The following CFAP70 variants were observed in gnomAD, a reference collection of about 807,000 sequenced individuals.
The protein encoded by CFAP70 is cilia- and flagella-associated protein 70.
A neutral mutation model predicts 137.6 loss-of-function variants in CFAP70; 81 were observed. That is an observed-to-expected ratio of 0.59 (90% CI 0.49 to 0.71). CFAP70 has a LOEUF of 0.71. CFAP70 is among the 30% of genes least tolerant of loss of function. The pLI, the probability that CFAP70 is intolerant of heterozygous loss-of-function variation, is 0.00. For missense variants in CFAP70, 976 were observed against 1,226.7 expected (o/e 0.80, Z 3.05); for synonymous variants, 382 against 423.6 (o/e 0.90, Z 1.20).
upstream of CFAP70, among the ~76,000 whole-genome samples, chr10:73,361,348 C>T (rs1410134598): frequency 2.1e-5 from 3 of 143,012 alleles, no homozygotes; most frequent in South Asian, 7.1e-4. Context: ...AGTTCAGTGG[C>T]ATGATATGAT....
At chr10:73,331,103 GAA>G in intron 8 of CFAP70, 72 bp downstream of exon 9, 1 of 1,042,622 alleles carries the variant, frequency 9.6e-7, no homozygotes, top group Admixed American at 2.2e-5. Flanking sequence ...TTTGGTATCA[GAA>G]TTGAAGCAGA....
chr10:73,317,507 C>T (rs1186770941), intron 9 of CFAP70, among the ~76,000 whole-genome samples: 1 of 152,104 alleles, frequency 6.6e-6, no homozygotes, highest in Admixed American at 6.6e-5. Context: ...CTTTGTCTCT[C>T]TCTTTCATTT....
intron 13 of CFAP70, 90 bp downstream of exon 14, chr10:73,299,515 T>C (rs2048782557): frequency 1.8e-6 from 2 of 1,098,094 alleles, no homozygotes; most frequent in Non-Finnish European, 2.7e-6. Context: ...TCACCCCTTC[T>C]GGAAGACATA....
At chr10:73,278,955 T>G (rs116071459) in intron 19 of CFAP70, 1 of 142,308 alleles carries the variant, frequency 7.0e-6, no homozygotes, top group Non-Finnish European at 1.5e-5. Flanking sequence ...CACTCCAGCC[T>G]CGGCATAGAG....
rs982197495 is a variant in CFAP70, at chr10:73,290,709, C to T, written c.2239+517G>A. On this transcript the variant is annotated intron_variant, in intron 19 of 26. Coordinates refer to ENST00000310715, the Ensembl canonical transcript of CFAP70. ...GGGAAAGGGAGTACATAAATAAATACATTTGAGAATCATAAGAGAGGGACT... is the reference window on the plus strand; with the variant it reads ...GGGAAAGGGAGTACATAAATAAATATATTTGAGAATCATAAGAGAGGGACT... 6.6e-5 allele frequency among the ~76,000 whole-genome samples: 10 copies of T among 152,036 alleles called. No homozygotes were observed. In the South Asian group the frequency reaches 2.1e-3, roughly 32 times the overall value.
rs891476735 is a variant in CFAP70 at position 73,339,744 on chromosome 10, G to A, written c.582+1655C>T. 3.7e-4 allele frequency among the ~76,000 whole-genome samples: 57 copies of A among 152,342 alleles called. 1 individual carries two copies. The highest frequency in any genetic ancestry group is 3.4e-3 in the Middle Eastern group (1 of 294). ...TGGCTGAACCAGGCATATTGCAAACGGCTTCCATGGCCGGCACCAGGGAAT... is the reference window on the plus strand; with the variant it reads ...TGGCTGAACCAGGCATATTGCAAACAGCTTCCATGGCCGGCACCAGGGAAT... On this transcript the variant is annotated intron_variant, in intron 6 of 26. Coordinates refer to ENST00000310715, the Ensembl canonical transcript of CFAP70.
intron 4 of CFAP70, among the ~76,000 whole-genome samples, chr10:73,347,758 G>C (rs1170137331): frequency 1.3e-5 from 2 of 152,174 alleles, no homozygotes; most frequent in Non-Finnish European, 2.9e-5. Flanking sequence ...AGAACTGCTG[G>C]ATTAGAAATT....
intron 9 of CFAP70, among the ~76,000 whole-genome samples, chr10:73,316,489 T>G (rs912421873): frequency 8.7e-5 from 9 of 103,962 alleles, no homozygotes; most frequent in African/African-American, 1.1e-4. Flanking sequence ...TAGATATAGA[T>G]ATATATATAT....
At chr10:73,332,344 G>A (rs1266567985) in intron 7 of CFAP70, among the ~76,000 whole-genome samples, 1 of 152,180 alleles carries the variant, frequency 6.6e-6, no homozygotes, top group Non-Finnish European at 1.5e-5. Context: ...TTCAGGCAGG[G>A]AGAGAAGAAA....
At position 73,291,867 on chromosome 10, in the gene CFAP70, C is replaced by T. The variant is rs765604285; in HGVS notation, c.1904+14G>A. 2 of 1,614,050 alleles carry T rather than the reference C, an allele frequency of 1.2e-6. No homozygotes were observed. The highest frequency in any genetic ancestry group is 1.1e-5 in the South Asian group (1 of 91,052). ...TTCCTTCCCACTGATTCCTCATCTC[C>T]CTTCCACCTATACCTGTGGATATGA... On this transcript the variant is annotated intron_variant, in intron 17 of 26. Coordinates refer to ENST00000310715, the Ensembl canonical transcript of CFAP70.
chr10:73,317,529 A>T (rs2050495802), intron 9 of CFAP70, among the ~76,000 whole-genome samples: 1 of 151,852 alleles, frequency 6.6e-6, no homozygotes, highest in Non-Finnish European at 1.5e-5. Context: ...ACTATATATA[A>T]TGTGTATATT....
At chr10:73,325,653 A>G (rs1408105245) in intron 8 of CFAP70, among the ~76,000 whole-genome samples, 1 of 152,182 alleles carries the variant, frequency 6.6e-6, no homozygotes, top group African/African-American at 2.4e-5. Context: ...TCTACCAAGC[A>G]AATGGAAAAC....
intron 25 of CFAP70, among the ~76,000 whole-genome samples, chr10:73,264,133 AT>A (rs1170466729): frequency 6.6e-6 from 1 of 152,024 alleles, no homozygotes; most frequent in East Asian, 1.9e-4. Context: ...TTCTTTGAAC[AT>A]TTTTTACTTT....
chr10:73,292,134 T>C (rs1420429203), intron 16 of CFAP70, 120 bp from the exon 18 acceptor site: 2 of 1,278,050 alleles, frequency 1.6e-6, no homozygotes, highest in Non-Finnish European at 2.2e-6. Context: ...GTGACTTCTT[T>C]TTTGCTTATC....
At chr10:73,303,289 C>T (rs2049107419) in intron 12 of CFAP70, among the ~76,000 whole-genome samples, 2 of 152,174 alleles carry the variant, frequency 1.3e-5, no homozygotes, top group Non-Finnish European at 2.9e-5. Flanking sequence ...ACAACCTTGG[C>T]TCACTGCAAG....
intron 3 of CFAP70, among the ~76,000 whole-genome samples, chr10:73,352,534 G>C (rs1469973967): frequency 6.6e-6 from 1 of 152,110 alleles, no homozygotes; most frequent in South Asian, 2.1e-4. Context: ...TCTTCAGCAA[G>C]AAGTATGGGA....
At chr10:73,277,765 C>T (rs915088873) in intron 20 of CFAP70, among the ~76,000 whole-genome samples, 3 of 151,916 alleles carry the variant, frequency 2.0e-5, no homozygotes, top group Admixed American at 2.0e-4. Flanking sequence ...GTCTTCTTAT[C>T]TAATACATGA....
chr10:73,331,257 C>A, exon 8 of CFAP70: 2 of 1,613,128 alleles, frequency 1.2e-6, no homozygotes, highest in South Asian at 2.2e-5. Context: ...AGCCGGCAAT[C>A]GGCAATTCGC....
At chr10:73,293,506 G>T in intron 15 of CFAP70, 118 bp from the exon 17 acceptor site, 1 of 871,256 alleles carries the variant, frequency 1.1e-6, no homozygotes, top group Non-Finnish European at 1.7e-6. Flanking sequence ...ACTGATTGAT[G>T]TCTATAATGA....
Sources: allele counts gnomAD v4.1 joint callset (sites outside exome capture counted in the v4.1 genomes callset), GRCh38; gene constraint gnomAD v4.1.1; transcripts MANE v1.5; gene names NCBI Gene and HGNC (gene_info 2026-07-23, HGNC 2026-07-21).